The following INSC variants were observed in gnomAD, a reference collection of about 807,000 sequenced individuals.
INSC encodes protein inscuteable homolog.
A neutral mutation model predicts 58.6 loss-of-function variants in INSC; 67 were observed. The ratio of observed to expected loss-of-function variants is 1.14; its 90% CI spans 0.94 to 1.40. The LOEUF is 1.40. Among genes scored for constraint, INSC ranks in the 40% most tolerant of loss-of-function variants. The pLI is 0.00. For synonymous variants in INSC, 262 were observed against 276.1 expected (o/e 0.95, Z 0.51); for missense variants, 714 against 692.0 (o/e 1.03, Z -0.36).
Position 15,190,764 on chromosome 11 carries a change from C to G in INSC, c.643C>G (p.Leu215Val). The G allele has an allele frequency of 6.2e-7, 1 of 1,613,966 alleles. No individual in the cohort carries two copies. The highest frequency in any genetic ancestry group is 2.2e-5 in the East Asian group (1 of 44,876). The stretch of plus-strand genomic sequence containing the variant: ...CACCACAGAGTCCACCACAGGGAAC[C>G]TGTTCAGCCTGACCCAGGAGGGGGC... The part of the protein sequence containing the change: ...IYTTESTTGN[L>V]FSLTQEGAPL... The change falls in exon 6 of 13, where the codon CTG becomes GTG. Residue 215 changes from leucine (L) to valine (V), a missense_variant. Transcript: ENST00000379556.
At position 15,177,059 on chromosome 11, in the gene INSC, G is replaced by A; in HGVS notation, c.403-52G>A. The A allele has an allele frequency of 2.2e-6, 3 of 1,384,428 alleles. No homozygotes were observed. The East Asian group carries it at 6.8e-5, about 32-fold the overall frequency. The allele number at this position is 1,384,428 out of a possible 1,614,324, so 85.8% of individuals were successfully genotyped here. A position where few individuals can be genotyped will look rare whatever the true frequency, so the allele number is the denominator to read the frequency against. On this transcript the variant is annotated intron_variant, in intron 3 of 12. Coordinates refer to ENST00000379556, the MANE Select transcript of INSC (RefSeq NM_001042536.3). The stretch of plus-strand genomic sequence containing the variant: ...CCCCGTGTGCTCAGCACAGCAGTTG[G>A]TCCTCAGTTAATGCTTACTGAGTTG...
intron 1 of INSC, among the ~76,000 whole-genome samples, chr11:15,116,064 T>C (rs1022972317): frequency 1.3e-5 from 2 of 152,112 alleles, no homozygotes; most frequent in African/African-American, 4.8e-5. Context: ...AGGGGTTCCA[T>C]TGAATCTGAA....
intron 9 of INSC, among the ~76,000 whole-genome samples, chr11:15,226,351 T>G (rs1225292970): frequency 6.6e-6 from 1 of 152,208 alleles, no homozygotes; most frequent in African/African-American, 2.4e-5. Flanking sequence ...AGCTTCTACA[T>G]CAGTCATAAT....
chr11:15,133,994 G>A (rs1399876094), intron 1 of INSC, among the ~76,000 whole-genome samples: 2 of 145,338 alleles, frequency 1.4e-5, no homozygotes, highest in African/African-American at 5.1e-5. Context: ...TAAAAATAGT[G>A]GCTTGATATG....
At chr11:15,163,303 CCCTCCCTG>C in intron 2 of INSC, among the ~76,000 whole-genome samples, 1 of 152,266 alleles carries the variant, frequency 6.6e-6, no homozygotes, top group African/African-American at 2.4e-5. Flanking sequence ...ACAATTTCTT[CCCTCCCTG>C]CCTCCCTGCC....
At chr11:15,262,685 C>CACACAT in the INSC span, among the ~76,000 whole-genome samples, 5 of 151,276 alleles carry the variant, frequency 3.3e-5, no homozygotes, top group East Asian at 9.7e-4. Flanking sequence ...CACACACACA[C>CACACAT]ACAAACAGTA....
the INSC span, among the ~76,000 whole-genome samples, chr11:15,255,673 A>G: frequency 6.6e-6 from 1 of 152,040 alleles, no homozygotes; most frequent in South Asian, 2.1e-4. Flanking sequence ...TTTTGGTGCT[A>G]TCAATAACTG....
chr11:15,152,771 T>A (rs1848694608), intron 2 of INSC, among the ~76,000 whole-genome samples: 1 of 152,200 alleles, frequency 6.6e-6, no homozygotes, highest in Non-Finnish European at 1.5e-5. Flanking sequence ...CTGAAGGCTG[T>A]TGGCTAATGA....
At position 15,188,139 on chromosome 11, in the gene INSC, G is replaced by A. The variant is rs11023464; in HGVS notation, c.580-2562G>A. The A allele has an allele frequency of 2.9e-3, 2,813 of 978,200 alleles. 7 individuals are homozygous for A. Among genetic ancestry groups the A allele is most frequent in the Non-Finnish European group, 3.3e-3 (2,684 of 823,406 alleles). 60.6% of individuals were successfully genotyped at this position (978,200 alleles called of 1,614,324 possible). A position where few individuals can be genotyped will look rare whatever the true frequency, so the allele number is the denominator to read the frequency against. ...CTTGGAGTAGCTTAGGGGAAGTGTG[G>A]CCTTGGCAAGAATACAGGGCAGATC... On this transcript the variant is annotated intron_variant, in intron 5 of 12. Coordinates refer to ENST00000379556, the MANE Select transcript of INSC (RefSeq NM_001042536.3).
At chr11:15,210,860 T>C (rs1850998763) in intron 7 of INSC, among the ~76,000 whole-genome samples, 1 of 151,792 alleles carries the variant, frequency 6.6e-6, no homozygotes, top group Admixed American at 6.6e-5. Context: ...TGATACACTG[T>C]GAAGGTTTAG....
intron 2 of INSC, among the ~76,000 whole-genome samples, chr11:15,170,789 C>A (rs1036833114): frequency 6.6e-6 from 1 of 152,030 alleles, no homozygotes; most frequent in Non-Finnish European, 1.5e-5. Flanking sequence ...CATCTATTTG[C>A]GCAAATAGGG....
intron 2 of INSC, among the ~76,000 whole-genome samples, chr11:15,158,593 A>G (rs1848898322): frequency 6.6e-6 from 1 of 152,064 alleles, no homozygotes; most frequent in African/African-American, 2.4e-5. Context: ...TCTTCTTGGT[A>G]GTGTGGTGTT....
At chr11:15,124,078 G>C (rs1380218301) in intron 1 of INSC, among the ~76,000 whole-genome samples, 2 of 152,196 alleles carry the variant, frequency 1.3e-5, no homozygotes, top group East Asian at 1.9e-4. Flanking sequence ...ATCTCCTCTT[G>C]TTCATTCACC....
intron 2 of INSC, 120 bp downstream of exon 2, chr11:15,149,350 G>A (rs1297428096): frequency 3.9e-6 from 4 of 1,015,008 alleles, no homozygotes; most frequent in Admixed American, 3.7e-5. Flanking sequence ...TTCTGGGGAG[G>A]ATGCCGAGCA....
intron 5 of INSC, among the ~76,000 whole-genome samples, chr11:15,187,164 A>C (rs974685108): frequency 6.6e-6 from 1 of 152,162 alleles, no homozygotes; most frequent in African/African-American, 2.4e-5. Context: ...ATGGAAGCTC[A>C]GGGCTCCCAA....
chr11:15,116,841 CTT>C (rs1491266877), intron 1 of INSC, among the ~76,000 whole-genome samples: 7 of 43,250 alleles, frequency 1.6e-4, no homozygotes, highest in South Asian at 9.4e-4. Context: ...TTCTTTCTTT[CTT>C]TCTTTCTCTC....
chr11:15,200,046 G>A lies in INSC; in HGVS notation c.694-778G>A, dbSNP rs560043741. Among the ~76,000 whole-genome samples the A allele has an allele frequency of 3.9e-5, 6 of 152,048 alleles. No homozygotes were observed. In the East Asian group the frequency reaches 1.2e-3, roughly 29 times the overall value. ...CTGCACTCCCAGATTCTTGCCTGATGGTAAACACTTTACTGGAAAGAAGTT... is the reference window on the plus strand; with the variant it reads ...CTGCACTCCCAGATTCTTGCCTGATAGTAAACACTTTACTGGAAAGAAGTT... On this transcript the variant is annotated intron_variant, in intron 6 of 12. Coordinates refer to ENST00000379556, the MANE Select transcript of INSC (RefSeq NM_001042536.3).
At chr11:15,235,336 G>A in intron 9 of INSC, 1 of 489,742 alleles carries the variant, frequency 2.0e-6, no homozygotes, top group Non-Finnish European at 3.7e-6. Flanking sequence ...CCAGGGTTAT[G>A]CTAGTCTTTC....
At chr11:15,159,101 C>A (rs944745200) in intron 2 of INSC, among the ~76,000 whole-genome samples, 1 of 152,158 alleles carries the variant, frequency 6.6e-6, no homozygotes, top group African/African-American at 2.4e-5. Context: ...GAGGGCAGAG[C>A]TGCCAGTGCA....
Sources: allele counts gnomAD v4.1 joint callset (sites outside exome capture counted in the v4.1 genomes callset), GRCh38; gene constraint gnomAD v4.1.1; transcripts MANE v1.5; gene names NCBI Gene and HGNC (gene_info 2026-07-23, HGNC 2026-07-21).